The following CUL9 variants were observed in gnomAD, a reference collection of about 807,000 sequenced individuals.
CUL9 encodes the protein cullin 9, also known as cullin-9.
In CUL9, 79 loss-of-function variants were observed where a neutral mutation model predicts 272.6. The ratio of observed to expected loss-of-function variants is 0.29; its 90% CI spans 0.24 to 0.35. The LOEUF (loss-of-function observed/expected upper bound fraction) is 0.35. Among genes scored for constraint, CUL9 ranks in the 10% least tolerant of loss-of-function variants. The pLI is 1.00. For synonymous variants in CUL9, 1,186 were observed against 1,286.5 expected (o/e 0.92, Z 1.67); for missense variants, 2,532 against 3,255.6 (o/e 0.78, Z 5.41).
chr6:43,186,170 C>G lies in CUL9; in HGVS notation c.966C>G (p.Asn322Lys). 1 of 1,614,218 alleles carries G rather than the reference C, an allele frequency of 6.2e-7. No homozygotes were observed. Among genetic ancestry groups the G allele is most frequent in the Non-Finnish European group, 8.5e-7 (1 of 1,180,036 alleles). The change falls in exon 4 of 41, where the codon AAC becomes AAG. Residue 322 changes from asparagine to lysine, a missense_variant. By Grantham distance (94) the Asn-to-Lys change is moderately conservative. Transcript: ENST00000252050. Reference protein sequence around the residue: ...ELVRSMGWARNLSEQGMSPPR... With the variant: ...ELVRSMGWARKLSEQGMSPPR... ...TGCGGAGCATGGGCTGGGCCCGGAA[C>G]CTCAGCGAACAGGGCATGTCACCTC... is the stretch of plus-strand genomic sequence containing the variant.
At chr6:43,191,884 C>T (rs1039098768) in intron 8 of CUL9, among the ~76,000 whole-genome samples, 3 of 150,976 alleles carry the variant, frequency 2.0e-5, no homozygotes, top group African/African-American at 7.3e-5. Flanking sequence ...TGTGCCCAGA[C>T]AACATTATAT....
chr6:43,184,913 A>G lies in CUL9; in HGVS notation c.595+8A>G, dbSNP rs762454887. The stretch of plus-strand genomic sequence containing the variant: ...TGGCAGCCCACGATGCTGGTAAGAG[A>G]CAGCCAGGGAAGAAGGAAAGGAATG... On this transcript the variant is annotated splice_region_variant and intron_variant, in intron 2 of 40. Transcript: ENST00000252050. This position sits in a 1 kb window ranked among gnomAD's most constrained non-coding sequence, Gnocchi z 4.8. 5.1e-6 allele frequency: 8 copies of G among 1,576,668 alleles called. No homozygotes were observed. The highest frequency in any genetic ancestry group is 6.0e-6 in the Non-Finnish European group (7 of 1,161,780).
At position 43,223,201 on chromosome 6, in the gene CUL9, G is replaced by A. The variant is rs1296346962; in HGVS notation, c.7151-63G>A. ...CTTGGTAGACGTTCCATAGGTGTTT[G>A]TTGGAGGAAGGAATGGATGAGAATG... On this transcript the variant is annotated intron_variant, in intron 38 of 40. Coordinates refer to ENST00000252050, the MANE Select transcript of CUL9 (RefSeq NM_015089.4). The surrounding 1 kb of genome is among the most constrained non-coding windows in gnomAD (Gnocchi z 4.1). The A allele has an allele frequency of 2.0e-5, 31 of 1,530,300 alleles. No homozygotes were observed. Among genetic ancestry groups the A allele is most frequent in the Non-Finnish European group, 2.7e-5 (30 of 1,131,712 alleles). 94.8% of individuals were successfully genotyped at this position (1,530,300 alleles called of 1,614,324 possible).
In CUL9 at chr6:43,213,831, G is replaced by A. The variant is rs1215881037; in HGVS notation, c.5607G>A (p.Arg1869=). ...KDEGRTLEQK[R]NLLSCLLVRI... is the part of the protein sequence containing the mutation. ...AAGGCCGAACCCTGGAACAGAAGAG[G>A]AATCTCTTGAGCTGTCTTCTTGTTC... The change falls in exon 29 of 41, where the codon AGG becomes AGA. Residue 1869 remains arginine, a synonymous_variant. Coordinates refer to ENST00000252050, the MANE Select transcript of CUL9 (RefSeq NM_015089.4). This position sits in a 1 kb window ranked among gnomAD's most constrained non-coding sequence, Gnocchi z 5.7. 2 of 1,614,208 alleles carry A rather than the reference G, an allele frequency of 1.2e-6. No individual in the cohort carries two copies. The highest frequency in any genetic ancestry group is 8.5e-7 in the Non-Finnish European group (1 of 1,180,036).
Position 43,184,216 on chromosome 6 carries a change from CCTT to C in CUL9, c.-9-83_-9-81del. On this transcript the variant is annotated intron_variant, in intron 1 of 40. Transcript: ENST00000252050. The surrounding 1 kb of genome is among the most constrained non-coding windows in gnomAD (Gnocchi z 4.8). ...CATGCAGCCTACCGATCACCACCCACCTTCTCTGTGTCTCAAGATTCCACCCCC... is the reference window on the plus strand; with the variant it reads ...CATGCAGCCTACCGATCACCACCCACCTCTGTGTCTCAAGATTCCACCCCC... 9.3e-7 allele frequency: 1 copy of C among 1,080,634 alleles called. No individual in the cohort carries two copies. The highest frequency in any genetic ancestry group is 2.2e-5 in the South Asian group (1 of 45,830). The allele number at this position is 1,080,634 out of a possible 1,614,324, so 66.9% of individuals were successfully genotyped here.
rs533420032 is a variant in CUL9 at position 43,200,742 on chromosome 6, G to A, written c.3555G>A (p.Leu1185=). Reference sequence around the variant, plus strand: ...CCAACCCGCACCGAGCCAGCAAGCTGACGGACCACAACCCCAAGACCTACT... The same window carrying A: ...CCAACCCGCACCGAGCCAGCAAGCTAACGGACCACAACCCCAAGACCTACT... ...VSSNPHRASK[L]TDHNPKTYWE... The change falls in exon 16 of 41, where the codon CTG becomes CTA. Residue 1185 remains leucine (L), a synonymous_variant. Transcript: ENST00000252050. The surrounding 1 kb of genome is among the most constrained non-coding windows in gnomAD (Gnocchi z 4.0). 4.3e-6 allele frequency: 7 copies of A among 1,614,226 alleles called. No homozygotes were observed. Among genetic ancestry groups the A allele is most frequent in the Non-Finnish European group, 5.1e-6 (6 of 1,180,050 alleles).
Position 43,198,736 on chromosome 6 carries a change from C to T in CUL9, c.2931C>T (p.Pro977=), listed in dbSNP as rs747431685. The T allele has an allele frequency of 1.4e-5, 22 of 1,614,014 alleles. No homozygotes were observed. Among genetic ancestry groups the T allele is most frequent in the East Asian group, 4.5e-5 (2 of 44,892 alleles). Residue 977 remains proline (P), a synonymous_variant, in exon 12 of 41, where the codon CCC becomes CCT. Transcript: ENST00000252050. The part of the protein sequence containing the change: ...LERVLCREGS[P]GGAVRPLLKR... ...GTGTGCTGTGCCGTGAGGGCAGCCC[C>T]GGAGGTGCCGTGAGGCCCCTCCTCA...
chr6:43,202,569 A>G lies in CUL9; in HGVS notation c.3648-147A>G. On this transcript the variant is annotated intron_variant, in intron 16 of 40. Coordinates refer to ENST00000252050, the MANE Select transcript of CUL9 (RefSeq NM_015089.4). ...CCTTCTTTTGATTTTTATTTCGTAG[A>G]GGTGGGGTCTTGCAGTGTTGCCCAG... The G allele has an allele frequency of 6.1e-6, 4 of 651,648 alleles. No homozygotes were observed. The East Asian group carries it at 7.8e-5, about 13-fold the overall frequency. 40.4% of individuals were successfully genotyped at this position (651,648 alleles called of 1,614,324 possible).
chr6:43,204,302 T>C (rs981123883), intron 20 of CUL9, 58 bp from the exon 21 acceptor site: 1 of 1,587,888 alleles, frequency 6.3e-7, no homozygotes, highest in Non-Finnish European at 8.6e-7. Flanking sequence ...TCCTCTGCCC[T>C]GAGCTGTCTG....
At chr6:43,191,118 T>C (rs1254789500) in intron 8 of CUL9, among the ~76,000 whole-genome samples, 1 of 152,114 alleles carries the variant, frequency 6.6e-6, no homozygotes, top group African/African-American at 2.4e-5. Flanking sequence ...TCCTATATTT[T>C]CCAAAAATAC....
intron 35 of CUL9, 22 bp from the exon 36 acceptor site, chr6:43,222,294 C>T (rs1562065364): frequency 6.2e-7 from 1 of 1,609,352 alleles, no homozygotes; most frequent in East Asian, 2.2e-5. Context: ...ACCCAATAGC[C>T]CTCCCAACGT....
rs34090146 is a variant in CUL9 at position 43,191,481 on chromosome 6, A to ATTTTTT, written c.2181-1501_2181-1496dup. On this transcript the variant is annotated intron_variant, in intron 8 of 40. Coordinates refer to ENST00000252050, the MANE Select transcript of CUL9 (RefSeq NM_015089.4). ...AGGAATGAGCCACCACACCCAGCTA[A>ATTTTTT]TTTTTTTTTTTTTTTTTTTTTTTTA... Among the ~76,000 whole-genome samples, 45 of 97,450 alleles carry ATTTTTT rather than the reference A, an allele frequency of 4.6e-4. 2 individuals are homozygous for ATTTTTT. Among genetic ancestry groups the ATTTTTT allele is most frequent in the African/African-American group, 1.2e-3 (24 of 19,748 alleles). 63.9% of individuals were successfully genotyped at this position (97,450 alleles called of 152,430 possible). A position where few individuals can be genotyped will look rare whatever the true frequency, so the allele number is the denominator to read the frequency against.
Position 43,203,237 on chromosome 6 carries a change from G to C in CUL9, c.3849+33G>C. ...TAGGGTGTCAGCCAGGGCTGAGGAG[G>C]AGGAGGTGGCACACAAGTTTCTCCT... On this transcript the variant is annotated intron_variant, in intron 18 of 40. Transcript: ENST00000252050. The surrounding 1 kb of genome is among the most constrained non-coding windows in gnomAD (Gnocchi z 5.0). The C allele has an allele frequency of 6.2e-7, 1 of 1,612,340 alleles. No individual in the cohort carries two copies. Among genetic ancestry groups the C allele is most frequent in the East Asian group, 2.2e-5 (1 of 44,864 alleles).
chr6:43,221,841 C>T lies in CUL9; in HGVS notation c.6846+63C>T, dbSNP rs772101663. 9 of 1,426,898 alleles carry T rather than the reference C, an allele frequency of 6.3e-6. No homozygotes were observed. Among genetic ancestry groups the T allele is most frequent in the Admixed American group, 1.8e-5 (1 of 56,812 alleles). The allele number at this position is 1,426,898 out of a possible 1,614,324, so 88.4% of individuals were successfully genotyped here. Reference sequence around the variant, plus strand: ...AGCCGTCGGGGAGGGGTGCTGCTACCAGGTCCTGGGCAGACAGGGCTCCTT... The same window carrying T: ...AGCCGTCGGGGAGGGGTGCTGCTACTAGGTCCTGGGCAGACAGGGCTCCTT... On this transcript the variant is annotated intron_variant, in intron 35 of 40. Coordinates refer to ENST00000252050, the MANE Select transcript of CUL9 (RefSeq NM_015089.4). The surrounding 1 kb of genome is among the most constrained non-coding windows in gnomAD (Gnocchi z 4.2).
Position 43,184,440 on chromosome 6 carries a change from G to C in CUL9, c.130G>C (p.Val44Leu), listed in dbSNP as rs751341905. The part of the protein sequence containing the change: ...GHPEYLIRWS[V>L]LKCGEVGKVG... ...TCCTGAATACCTGATCCGATGGAGT[G>C]TCCTGAAGTGTGGGGAAGTGGGCAA... The change falls in exon 2 of 41, where the codon GTC (valine) becomes CTC (leucine). Residue 44 changes from valine to leucine, a missense_variant. Coordinates refer to ENST00000252050, the MANE Select transcript of CUL9 (RefSeq NM_015089.4). The surrounding 1 kb of genome is among the most constrained non-coding windows in gnomAD (Gnocchi z 4.8). 7.4e-6 allele frequency: 12 copies of C among 1,613,910 alleles called. No individual in the cohort carries two copies. Among genetic ancestry groups the C allele is most frequent in the Non-Finnish European group, 1.0e-5 (12 of 1,179,902 alleles).
intron 2 of CUL9, 41 bp from the exon 3 acceptor site, chr6:43,185,402 AGGGAGAAAGTACT>A (rs1772815964): frequency 6.3e-7 from 1 of 1,575,268 alleles, no homozygotes; most frequent in Admixed American, 1.7e-5. Flanking sequence ...TAGGAAAGGC[AGGGAGAAAGTACT>A]GGGGATTGAG....
At chr6:43,186,498 G>A (rs1163400334) in intron 4 of CUL9, 43 bp downstream of exon 4, 1 of 1,549,016 alleles carries the variant, frequency 6.5e-7, no homozygotes, top group Admixed American at 1.8e-5. Context: ...GAGTTTATTT[G>A]GGGTGGGGTG....
chr6:43,206,100 C>G lies in CUL9; in HGVS notation c.4887C>G (p.Leu1629=). The G allele has an allele frequency of 6.2e-7, 1 of 1,614,164 alleles. No individual in the cohort carries two copies. Among genetic ancestry groups the G allele is most frequent in the Non-Finnish European group, 8.5e-7 (1 of 1,180,040 alleles). ...EQIGLCFPNR[L]PQLMLQSLST... ...TTGGCCTCTGTTTTCCCAACCGCCT[C>G]CCACAGCTGATGCTGCAGAGCCTGA... is the stretch of plus-strand genomic sequence containing the variant. The change falls in exon 25 of 41, where the codon CTC becomes CTG. Residue 1629 remains leucine, a synonymous_variant. Transcript: ENST00000252050. This position sits in a 1 kb window ranked among gnomAD's most constrained non-coding sequence, Gnocchi z 4.8.
intron 31 of CUL9, among the ~76,000 whole-genome samples, chr6:43,216,903 G>A (rs9357409): frequency 4.6e-5 from 7 of 152,106 alleles, no homozygotes; most frequent in East Asian, 1.9e-4. Flanking sequence ...AGAGATATAC[G>A]TGTAAAATAG....
Sources: allele counts gnomAD v4.1 joint callset (sites outside exome capture counted in the v4.1 genomes callset), GRCh38; gene constraint gnomAD v4.1.1; non-coding constraint Gnocchi (gnomAD v3.1); transcripts MANE v1.5; gene names NCBI Gene and HGNC (gene_info 2026-07-23, HGNC 2026-07-21).